MEI1: variants seen among roughly 807,000 people sequenced by gnomAD.
MEI1 encodes meiotic double-stranded break formation protein 1, also known as meiosis inhibitor protein 1.
A neutral mutation model predicts 146.2 loss-of-function variants in MEI1; 103 were observed. The ratio of observed to expected loss-of-function variants is 0.70; its 90% CI spans 0.60 to 0.83. The LOEUF is 0.83. Among genes scored for constraint, MEI1 ranks in the 40% least tolerant of loss-of-function variants. The pLI, the probability that MEI1 is intolerant of heterozygous loss-of-function variation, is 0.00. For missense variants in MEI1, 1,529 were observed against 1,533.0 expected (o/e 1.00, Z 0.04); for synonymous variants, 652 against 628.2 (o/e 1.04, Z -0.57).
Position 41,770,941 on chromosome 22 carries a change from A to T in MEI1, c.2524A>T (p.Ser842Cys). Residue 842 changes from serine to cysteine, a missense_variant, in exon 20 of 31, where the codon AGC becomes TGC. Transcript: ENST00000401548. ...VLFQLLRSIPSILLILLDLIY... is the reference protein window; with the variant it reads ...VLFQLLRSIPCILLILLDLIY... ...GTTCCAGTTGCTCAGAAGCATCCCC[A>T]GCATCCTGCTCATCTTGCTGGTAGG... The T allele has an allele frequency of 6.2e-7, 1 of 1,613,754 alleles. No individual in the cohort carries two copies. Among genetic ancestry groups the T allele is most frequent in the Non-Finnish European group, 8.5e-7 (1 of 1,179,752 alleles).
At chr22:41,730,409 C>A in intron 8 of MEI1, 112 bp from the exon 9 acceptor site, 2 of 694,564 alleles carry the variant, frequency 2.9e-6, no homozygotes, top group Non-Finnish European at 5.2e-6. Context: ...GATATGTGAA[C>A]AGATGAAGTA....
chr22:41,717,007 AAATT>A (rs1030446927), intron 5 of MEI1, among the ~76,000 whole-genome samples: 34 of 151,960 alleles, frequency 2.2e-4, no homozygotes, highest in African/African-American at 8.0e-4. Context: ...TCTTTAACAC[AAATT>A]AATTAAGTAC....
At chr22:41,761,606 G>A (rs1171862170) in intron 18 of MEI1, among the ~76,000 whole-genome samples, 3 of 151,710 alleles carry the variant, frequency 2.0e-5, no homozygotes, top group Non-Finnish European at 4.4e-5. Context: ...GAGCCACTGC[G>A]CCCGGCCGAC....
At chr22:41,707,010 G>C (rs2045150085) in intron 3 of MEI1, among the ~76,000 whole-genome samples, 1 of 143,956 alleles carries the variant, frequency 6.9e-6, no homozygotes, top group African/African-American at 2.6e-5. Flanking sequence ...GGCCAACATG[G>C]TGAAACCCCA....
chr22:41,703,408 G>A lies in MEI1; in HGVS notation c.252G>A (p.Val84=). 1 of 1,609,020 alleles carries A rather than the reference G, an allele frequency of 6.2e-7. No individual in the cohort carries two copies. The highest frequency in any genetic ancestry group is 8.5e-7 in the Non-Finnish European group (1 of 1,177,616). ...VRHTSLVTQL[V]SQDQRVCIHF... is the part of the protein sequence containing the mutation. ...ATACCTCCCTGGTCACGCAACTGGT[G>A]TCTCAGGATCAGAGAGTCTGCATCC... Residue 84 remains valine (V), a synonymous_variant, in exon 2 of 31, where the codon GTG becomes GTA. Transcript: ENST00000401548.
chr22:41,751,330 G>A (rs1236740526), intron 15 of MEI1, among the ~76,000 whole-genome samples: 2 of 152,200 alleles, frequency 1.3e-5, no homozygotes, highest in African/African-American at 4.8e-5. Context: ...CCAGGGGCTG[G>A]TGAAGTGGGA....
Position 41,793,908 on chromosome 22 carries a change from T to A in MEI1, c.3425T>A (p.Ile1142Asn). 1 of 1,611,278 alleles carries A rather than the reference T, an allele frequency of 6.2e-7. No individual in the cohort carries two copies. The change falls in exon 27 of 31, where the codon ATT (isoleucine) becomes AAT (asparagine). Residue 1142 changes from isoleucine (I) to asparagine (N), a missense_variant and splice_region_variant. By Grantham distance (149) the Ile-to-Asn change is moderately radical. Coordinates refer to ENST00000401548, the MANE Select transcript of MEI1 (RefSeq NM_152513.4). Reference sequence around the variant, plus strand: ...TACCTGGATGCCCGGAGCCCAGACATTGGTAGAAACTCTCCACATTATCTG... The same window carrying A: ...TACCTGGATGCCCGGAGCCCAGACAATGGTAGAAACTCTCCACATTATCTG... ...LDYLDARSPDIALHVASQPWN... is the reference protein window; with the variant it reads ...LDYLDARSPDNALHVASQPWN...
intron 3 of MEI1, among the ~76,000 whole-genome samples, chr22:41,712,618 T>C (rs2069684757): frequency 6.6e-6 from 1 of 151,604 alleles, no homozygotes; most frequent in South Asian, 2.1e-4. Flanking sequence ...TTTAGAAAAA[T>C]ATTTTAAAGT....
chr22:41,760,873 A>G (rs2074439549), intron 18 of MEI1, among the ~76,000 whole-genome samples: 1 of 152,166 alleles, frequency 6.6e-6, no homozygotes, highest in Non-Finnish European at 1.5e-5. Context: ...TCATGAGTTG[A>G]TTTTTAACCG....
rs779527170 is a variant in MEI1, at chr22:41,784,634, G to A, written c.3196G>A (p.Ala1066Thr). The change falls in exon 26 of 31, where the codon GCC (alanine) becomes ACC (threonine). Residue 1066 changes from alanine (A) to threonine (T), a missense_variant. Ala to Thr is a moderately conservative substitution (Grantham distance 58, BLOSUM62 0). Around this residue, in one of 3 missense-constraint regions of MEI1, gnomAD observed 313 missense variants for 337.3 expected, o/e 0.93. Transcript: ENST00000401548. ...SAAILCFLRT[A>T]LRQSFSSALV... is the part of the protein sequence containing the mutation. ...TGCCATCTTATGCTTCCTGCGGACA[G>A]CCCTGCGACAAAGCTTTTCCTCTGC... 6 of 1,613,042 alleles carry A rather than the reference G, an allele frequency of 3.7e-6. No individual in the cohort carries two copies. The Admixed American group carries it at 6.7e-5, about 18-fold the overall frequency.
intron 11 of MEI1, among the ~76,000 whole-genome samples, chr22:41,740,842 G>A (rs2072799327): frequency 6.6e-6 from 1 of 152,152 alleles, no homozygotes; most frequent in African/African-American, 2.4e-5. Flanking sequence ...AAGAAGGAAA[G>A]GGGAAATCAA....
rs200777038 is a variant in MEI1 at position 41,781,374 on chromosome 22, C to T, written c.2906C>T (p.Thr969Ile). ...CTGTATTGGAGCCTTCATCAGACCA[C>T]ACCCAGCAGTCAGAAAAGAGGTGCA... The part of the protein sequence containing the change: ...NFLYWSLHQT[T>I]PSSQKRAAAV... Residue 969 changes from threonine to isoleucine, a missense_variant, in exon 23 of 31, where the codon ACA becomes ATA. Thr to Ile is a moderately conservative substitution (Grantham distance 89). Around this residue, in one of 3 missense-constraint regions of MEI1, gnomAD observed 1,212 missense variants for 1,178.9 expected, o/e 1.03. Coordinates refer to ENST00000401548, the MANE Select transcript of MEI1 (RefSeq NM_152513.4). 327 of 1,613,232 alleles carry T rather than the reference C, an allele frequency of 2.0e-4. No homozygotes were observed. Among genetic ancestry groups the T allele is most frequent in the Non-Finnish European group, 2.5e-4 (298 of 1,179,598 alleles).
At chr22:41,709,524 T>C in intron 3 of MEI1, 2 of 576,456 alleles carry the variant, frequency 3.5e-6, no homozygotes, top group Non-Finnish European at 3.3e-6. Flanking sequence ...GTAGGTGCTG[T>C]GCGCGGGATG....
At chr22:41,702,095 AG>A (rs2068755420) in intron 1 of MEI1, among the ~76,000 whole-genome samples, 1 of 152,248 alleles carries the variant, frequency 6.6e-6, no homozygotes. Context: ...GGAGCCTTAC[AG>A]TAGCACAGAT....
chr22:41,792,921 A>T (rs1285711354), intron 26 of MEI1, among the ~76,000 whole-genome samples: 1 of 32,330 alleles, frequency 3.1e-5, no homozygotes, highest in Non-Finnish European at 1.3e-4. Flanking sequence ...GTTGCTTTAA[A>T]AAAAAAAAAA....
chr22:41,730,635 A>G lies in MEI1; in HGVS notation c.1094A>G (p.Tyr365Cys). 4 of 1,608,968 alleles carry G rather than the reference A, an allele frequency of 2.5e-6. No individual in the cohort carries two copies. Among genetic ancestry groups the G allele is most frequent in the Non-Finnish European group, 1.7e-6 (2 of 1,175,536 alleles). Residue 365 changes from tyrosine (Y) to cysteine (C), a missense_variant and splice_region_variant, in exon 9 of 31, where the codon TAT (tyrosine) becomes TGT (cysteine). Physicochemically the swap from Tyr to Cys is radical, Grantham distance 194. This residue lies in a region of MEI1 where 1,212 missense variants were observed against 1,178.9 expected (regional missense o/e 1.03). Transcript: ENST00000401548. ...PLFFSKCHTV[Y>C]GIEAVVRSLQ... ...TTTTTTTCCAAGTGCCACACGGTGT[A>G]TGGTTGGTAGTAAGGGTCCTGTACT...
intron 30 of MEI1, among the ~76,000 whole-genome samples, chr22:41,796,491 G>T (rs1347747763): frequency 6.6e-6 from 1 of 151,998 alleles, no homozygotes; most frequent in Non-Finnish European, 1.5e-5. Context: ...ACCATGCCCG[G>T]CTACATGCAT....
In MEI1 at chr22:41,784,682, G is replaced by A. The variant is rs1234048425; in HGVS notation, c.3244G>A (p.Gly1082Arg). ...TGCCCTGGTAGCCCTGGTGCCCTCAGGGGCCCAGCCACTGCCAGCCACCAA... is the reference window on the plus strand; with the variant it reads ...TGCCCTGGTAGCCCTGGTGCCCTCAAGGGCCCAGCCACTGCCAGCCACCAA... ...SSALVALVPS[G>R]AQPLPATKDT... is the part of the protein sequence containing the mutation. The change falls in exon 26 of 31, where the codon GGG becomes AGG. Residue 1082 changes from glycine (G) to arginine (R), a missense_variant. Physicochemically the swap from Gly to Arg is moderately radical, Grantham distance 125 (BLOSUM62 -2). Transcript: ENST00000401548. The A allele has an allele frequency of 6.2e-7, 1 of 1,613,644 alleles. No individual in the cohort carries two copies. The highest frequency in any genetic ancestry group is 8.5e-7 in the Non-Finnish European group (1 of 1,179,824).
intron 20 of MEI1, among the ~76,000 whole-genome samples, chr22:41,775,196 G>C (rs966268552): frequency 6.6e-6 from 1 of 152,182 alleles, no homozygotes; most frequent in African/African-American, 2.4e-5. Flanking sequence ...AAAATAAAAA[G>C]CATCTTCCCA....
Sources: allele counts gnomAD v4.1 joint callset (sites outside exome capture counted in the v4.1 genomes callset), GRCh38; gene constraint gnomAD v4.1.1; regional missense constraint gnomAD v4.1.1; transcripts MANE v1.5; gene names NCBI Gene and HGNC (gene_info 2026-07-23, HGNC 2026-07-21).